Variants in RBFOX1 observed in about 807,000 individuals in gnomAD.
RBFOX1 encodes RNA binding fox-1 homolog 1.
Under a neutral mutation model 57.7 loss-of-function variants are expected in RBFOX1, and 8 were observed. The observed-to-expected ratio is 0.14, with a 90% CI of 0.08 to 0.25. RBFOX1 has a LOEUF of 0.25. RBFOX1 is among the 10% of genes least tolerant of loss of function. RBFOX1 has a pLI of 1.00. For missense variants in RBFOX1, 611 were observed against 548.5 expected (o/e 1.11, Z -1.14); for synonymous variants, 326 against 222.4 (o/e 1.47, Z -4.15).
intron 4 of RBFOX1, among the ~76,000 whole-genome samples, chr16:5,904,753 A>G (rs1318399503): frequency 2.6e-5 from 4 of 151,964 alleles, no homozygotes; most frequent in South Asian, 4.2e-4. Flanking sequence ...TGAGGTGGGC[A>G]GATCACGAGG....
At chr16:6,872,352 T>C (rs568055520) in intron 3 of RBFOX1, among the ~76,000 whole-genome samples, 4 of 152,166 alleles carry the variant, frequency 2.6e-5, no homozygotes, top group Non-Finnish European at 5.9e-5. Flanking sequence ...TGTTTCTCTC[T>C]TTTTCTCTTT....
chr16:5,745,111 G>A (rs9930415), intron 3 of RBFOX1, among the ~76,000 whole-genome samples: 23,563 of 152,070 alleles, frequency 0.15, 2,070 homozygotes, highest in African/African-American at 0.23. Context: ...CCTCATGACA[G>A]GCCCCGGTGT....
intron 3 of RBFOX1, among the ~76,000 whole-genome samples, chr16:5,657,046 C>T (rs1174239922): frequency 6.6e-6 from 1 of 152,072 alleles, no homozygotes; most frequent in African/African-American, 2.4e-5. Flanking sequence ...ACATGTATAC[C>T]TGTGTAACAG....
intron 12 of RBFOX1, among the ~76,000 whole-genome samples, chr16:7,656,523 G>T (rs2066347736): frequency 6.8e-6 from 1 of 146,142 alleles, no homozygotes; most frequent in African/African-American, 2.5e-5. Context: ...TAGCATAGAG[G>T]TTAGAAATAC....
chr16:7,295,465 C>CA (rs1157957456), intron 4 of RBFOX1, among the ~76,000 whole-genome samples: 2 of 152,024 alleles, frequency 1.3e-5, no homozygotes, highest in African/African-American at 4.8e-5. Flanking sequence ...TAATGGGCAC[C>CA]ATTTTTATGA....
intron 2 of RBFOX1, among the ~76,000 whole-genome samples, chr16:6,412,697 A>T (rs1280840128): frequency 3.6e-4 from 55 of 152,224 alleles, no homozygotes; most frequent in Non-Finnish European, 1.5e-5. Flanking sequence ...TGTTGGTCAC[A>T]AATGACACTC....
intron 4 of RBFOX1, among the ~76,000 whole-genome samples, chr16:7,272,864 G>C (rs140591520): frequency 0.016 from 1,681 of 101,926 alleles, 30 homozygotes; most frequent in African/African-American, 0.06. Flanking sequence ...CTTCCCTTCC[G>C]TTCTTCCCTT....
At chr16:6,329,758 C>T (rs1438127818) in intron 2 of RBFOX1, among the ~76,000 whole-genome samples, 2 of 152,122 alleles carry the variant, frequency 1.3e-5, no homozygotes, top group African/African-American at 2.4e-5. Flanking sequence ...ATGGTCAAAC[C>T]ATGTCGCTTC....
intron 1 of RBFOX1, chr16:6,092,843 A>G (rs567556263): frequency 5.9e-5 from 9 of 152,168 alleles, no homozygotes; most frequent in South Asian, 2.1e-4. Flanking sequence ...AGAATGTTCT[A>G]TTTGCTTAGG....
At chr16:5,857,747 C>A (rs184465427) in intron 3 of RBFOX1, among the ~76,000 whole-genome samples, 1 of 151,846 alleles carries the variant, frequency 6.6e-6, no homozygotes, top group Non-Finnish European at 1.5e-5. Flanking sequence ...TATAGAGAAA[C>A]CCTGTCTCTA....
intron 3 of RBFOX1, among the ~76,000 whole-genome samples, chr16:5,709,843 A>ATT (rs35733374): frequency 2.4e-4 from 3 of 12,308 alleles, no homozygotes; most frequent in African/African-American, 1.0e-3. Context: ...ATATATATAT[A>ATT]TTTTTTTTTT....
intron 3 of RBFOX1, among the ~76,000 whole-genome samples, chr16:6,992,203 G>A (rs1384734369): frequency 6.8e-6 from 1 of 147,812 alleles, no homozygotes; most frequent in Admixed American, 6.9e-5. Context: ...TCACTCTGTT[G>A]CACAGGCTGG....
At chr16:5,255,354 C>CCATCCA (rs1555468931) in intron 1 of RBFOX1, among the ~76,000 whole-genome samples, 20 of 86,252 alleles carry the variant, frequency 2.3e-4, no homozygotes, top group South Asian at 9.3e-4. Flanking sequence ...CCATCCATCC[C>CCATCCA]TCCATCCATC....
At chr16:5,308,272 A>T (rs1197565779) in intron 1 of RBFOX1, among the ~76,000 whole-genome samples, 2 of 152,010 alleles carry the variant, frequency 1.3e-5, no homozygotes, top group East Asian at 3.9e-4. Flanking sequence ...GGTTGCAGTG[A>T]ACTGAGATTG....
At chr16:6,620,035 A>G (rs184322636) in intron 2 of RBFOX1, among the ~76,000 whole-genome samples, 1 of 152,312 alleles carries the variant, frequency 6.6e-6, no homozygotes, top group African/African-American at 2.4e-5. Context: ...CAAAGGACAT[A>G]ATCTTATTCT....
intron 1 of RBFOX1, among the ~76,000 whole-genome samples, chr16:6,142,538 T>C (rs926022132): frequency 6.6e-6 from 1 of 152,044 alleles, no homozygotes; most frequent in Non-Finnish European, 1.5e-5. Flanking sequence ...TCCAACTCTT[T>C]AGAAAAACAC....
chr16:5,859,206 C>CAAACAA (rs536807646), intron 3 of RBFOX1, among the ~76,000 whole-genome samples: 158 of 152,062 alleles, frequency 1.0e-3, no homozygotes, highest in African/African-American at 3.1e-3. Context: ...CTCTGTCTCA[C>CAAACAA]AAACAAAAAC....
At chr16:5,599,378 G>A in exon 3 of RBFOX1, 1 of 595,486 alleles carries the variant, frequency 1.7e-6, no homozygotes, top group Non-Finnish European at 3.0e-6. Flanking sequence ...GTGCTCTGGG[G>A]TCCTGCATCA....
At position 6,184,299 on chromosome 16, in the gene RBFOX1, A is replaced by G. The variant is rs141161717; in HGVS notation, c.-126-132696A>G. Among the ~76,000 whole-genome samples, 5 of 152,268 alleles carry G rather than the reference A, an allele frequency of 3.3e-5. No homozygotes were observed. The East Asian group carries it at 9.7e-4, about 30-fold the overall frequency. On this transcript the variant is annotated intron_variant, in intron 1 of 15. Transcript: ENST00000550418. ...ATGTTGAGCACATGAGCAACATGAC[A>G]TCATGCCCATTTAAAATAAATACTC...
Sources: allele counts gnomAD v4.1 joint callset (sites outside exome capture counted in the v4.1 genomes callset), GRCh38; gene constraint gnomAD v4.1.1; transcripts MANE v1.5; gene names NCBI Gene and HGNC (gene_info 2026-07-23, HGNC 2026-07-21).